Variants in FIGN observed in about 807,000 individuals in gnomAD.
FIGN encodes fidgetin, microtubule severing factor, also known as fidgetin.
Under a neutral mutation model 51.3 loss-of-function variants are expected in FIGN, and 11 were observed. That is an observed-to-expected ratio of 0.21 (90% confidence interval 0.13 to 0.35). The LOEUF is 0.35. FIGN is among the 10% of genes least tolerant of loss of function. The probability of loss-of-function intolerance (pLI) is 1.00; values close to 1 mark genes in which losing one functional copy is unlikely to be tolerated. For synonymous variants in FIGN, 407 were observed against 363.2 expected (o/e 1.12, Z -1.37); for missense variants, 857 against 943.6 (o/e 0.91, Z 1.20).
intron 2 of FIGN, among the ~76,000 whole-genome samples, chr2:163,695,015 C>T (rs922991128): frequency 1.3e-5 from 2 of 152,052 alleles, no homozygotes; most frequent in Non-Finnish European, 2.9e-5. Flanking sequence ...CACTTTCCGC[C>T]CCCCTCCTTT....
At chr2:163,730,836 T>G (rs926133566) in intron 2 of FIGN, among the ~76,000 whole-genome samples, 2 of 152,166 alleles carry the variant, frequency 1.3e-5, no homozygotes, top group African/African-American at 4.8e-5. Context: ...AATCAAAAAT[T>G]TATAAATCAA....
At position 163,662,655 on chromosome 2, in the gene FIGN, T is replaced by G. The variant is rs568350107; in HGVS notation, c.26-50849A>C. Among the ~76,000 whole-genome samples, 256 of 152,252 alleles carry G rather than the reference T, an allele frequency of 1.7e-3. 1 individual carries two copies. Among genetic ancestry groups the G allele is most frequent in the African/African-American group, 5.9e-3 (247 of 41,558 alleles). On this transcript the variant is annotated intron_variant, in intron 2 of 2. Transcript: ENST00000333129. The stretch of plus-strand genomic sequence containing the variant: ...TGCTGGGTGCAGCCTAGGGACTTGG[T>G]GCCTGCCCTGTGTCCCAGCTGCTCC...
intron 2 of FIGN, among the ~76,000 whole-genome samples, chr2:163,622,111 A>G (rs1682982992): frequency 6.6e-6 from 1 of 152,104 alleles, no homozygotes; most frequent in African/African-American, 2.4e-5. Context: ...TTCCAACTCA[A>G]TTCTCTTCTG....
chr2:163,718,840 TGA>T (rs781504649), intron 2 of FIGN, among the ~76,000 whole-genome samples: 5 of 150,612 alleles, frequency 3.3e-5, no homozygotes, highest in Admixed American at 6.6e-5. Context: ...ACAGAGAGAG[TGA>T]GAGAGAGAGA....
At chr2:163,628,068 C>G (rs1023088736) in intron 2 of FIGN, among the ~76,000 whole-genome samples, 1 of 152,206 alleles carries the variant, frequency 6.6e-6, no homozygotes, top group African/African-American at 2.4e-5. Context: ...GTTGGCTACA[C>G]AGTTTAAAAA....
intron 2 of FIGN, among the ~76,000 whole-genome samples, chr2:163,701,477 G>T (rs1361983525): frequency 6.6e-6 from 1 of 152,178 alleles, no homozygotes; most frequent in Non-Finnish European, 1.5e-5. Context: ...GCAACCAGAG[G>T]CTGAGTGTAA....
chr2:163,636,434 T>C (rs1683226501), intron 2 of FIGN, among the ~76,000 whole-genome samples: 1 of 152,104 alleles, frequency 6.6e-6, no homozygotes, highest in Non-Finnish European at 1.5e-5. Context: ...TACGGGCATG[T>C]GCCACCAAGC....
chr2:163,640,638 G>C (rs1308241541), intron 2 of FIGN, among the ~76,000 whole-genome samples: 1 of 151,962 alleles, frequency 6.6e-6, no homozygotes. Flanking sequence ...CTTAGAGTTC[G>C]TTAATAAATC....
chr2:163,695,743 C>T (rs1684308423), intron 2 of FIGN, among the ~76,000 whole-genome samples: 3 of 152,196 alleles, frequency 2.0e-5, no homozygotes. Flanking sequence ...GTCTACCCAA[C>T]AGACTGTAAG....
chr2:163,646,616 C>T (rs912284139), intron 2 of FIGN, among the ~76,000 whole-genome samples: 1 of 152,132 alleles, frequency 6.6e-6, no homozygotes, highest in Non-Finnish European at 1.5e-5. Context: ...TAAACTTTAT[C>T]ATTGTTCTTT....
At chr2:163,620,081 C>T (rs1319390268) in intron 2 of FIGN, among the ~76,000 whole-genome samples, 1 of 152,120 alleles carries the variant, frequency 6.6e-6, no homozygotes, top group Non-Finnish European at 1.5e-5. Context: ...ATAATTCACA[C>T]TCTGAATCTT....
At chr2:163,700,515 G>A (rs1304866514) in intron 2 of FIGN, among the ~76,000 whole-genome samples, 1 of 152,166 alleles carries the variant, frequency 6.6e-6, no homozygotes, top group Non-Finnish European at 1.5e-5. Context: ...GAACACATCA[G>A]CCTGGATGAG....
chr2:163,672,244 A>G (rs1347541578), intron 2 of FIGN, among the ~76,000 whole-genome samples: 1 of 133,764 alleles, frequency 7.5e-6, no homozygotes, highest in African/African-American at 3.0e-5. Context: ...AGTTATTTCA[A>G]TGGCTCTAAA....
chr2:163,696,908 C>A (rs1684329119), intron 2 of FIGN, among the ~76,000 whole-genome samples: 1 of 149,910 alleles, frequency 6.7e-6, no homozygotes, highest in Admixed American at 6.7e-5. Flanking sequence ...TGGGCTCAAG[C>A]AATCCCCACA....
intron 2 of FIGN, among the ~76,000 whole-genome samples, chr2:163,727,572 T>G (rs1401229822): frequency 6.6e-6 from 1 of 152,104 alleles, no homozygotes; most frequent in Non-Finnish European, 1.5e-5. Context: ...CCCGACAAAG[T>G]CTAACAAGGC....
intron 2 of FIGN, among the ~76,000 whole-genome samples, chr2:163,684,731 G>A (rs1353498194): frequency 6.6e-6 from 1 of 152,070 alleles, no homozygotes; most frequent in Non-Finnish European, 1.5e-5. Context: ...TTTTATTAGA[G>A]CTATGAAAAT....
At chr2:163,645,217 A>G (rs1249851038) in intron 2 of FIGN, among the ~76,000 whole-genome samples, 5 of 152,164 alleles carry the variant, frequency 3.3e-5, no homozygotes, top group African/African-American at 9.7e-5. Context: ...AAGGCTTTTC[A>G]GGTATGATAG....
chr2:163,718,466 G>A (rs1684703892), intron 2 of FIGN, among the ~76,000 whole-genome samples: 1 of 152,132 alleles, frequency 6.6e-6, no homozygotes, highest in African/African-American at 2.4e-5. Context: ...ACCCATCAGT[G>A]GAACTGTCTG....
intron 2 of FIGN, among the ~76,000 whole-genome samples, chr2:163,631,216 T>A (rs2105310869): frequency 6.6e-6 from 1 of 152,318 alleles, no homozygotes; most frequent in Admixed American, 6.5e-5. Context: ...TAGCTAATTC[T>A]TAAGACTGTT....
Sources: gnomAD v4.1 joint callset for allele counts (sites outside exome capture counted in the v4.1 genomes callset) on GRCh38, gnomAD v4.1.1 for gene constraint, MANE v1.5 for transcripts, NCBI Gene and HGNC (gene_info 2026-07-23, HGNC 2026-07-21) for gene names.